The following SMC1A variants were observed in gnomAD, a reference collection of about 807,000 sequenced individuals.
SMC1A encodes the protein structural maintenance of chromosomes 1A.
Under a neutral mutation model 94.5 loss-of-function variants are expected in SMC1A, and 4 were observed. The ratio of observed to expected loss-of-function variants is 0.04; its 90% CI spans 0.02 to 0.10. The LOEUF (loss-of-function observed/expected upper bound fraction) is 0.10, where lower values mean the gene tolerates loss of function less well. Among genes scored for constraint, SMC1A ranks in the 10% least tolerant of loss-of-function variants. The probability of loss-of-function intolerance (pLI) is 1.00; values close to 1 mark genes in which losing one functional copy is unlikely to be tolerated. For missense variants in SMC1A, 304 were observed against 989.0 expected (o/e 0.31, Z 9.29); for synonymous variants, 345 against 347.7 (o/e 0.99, Z 0.09).
chrX:53,384,160 C>G (rs1339849643), intron 19 of SMC1A, among the ~76,000 whole-genome samples: 1 of 111,315 alleles, frequency 9.0e-6, no homozygotes, highest in Non-Finnish European at 1.9e-5. Flanking sequence ...GGATGGTTAC[C>G]TCATCGGGTG....
chrX:53,386,885 T>C (rs1354459230), intron 19 of SMC1A, among the ~76,000 whole-genome samples: 3 of 112,531 alleles, frequency 2.7e-5, no homozygotes, highest in Non-Finnish European at 5.6e-5. Flanking sequence ...CTTTAAAACA[T>C]AGGAACATGA....
intron 9 of SMC1A, among the ~76,000 whole-genome samples, chrX:53,407,096 CG>C (rs1556889850): frequency 8.9e-6 from 1 of 112,017 alleles, no homozygotes; most frequent in East Asian, 2.8e-4. Context: ...GTCTTCTACC[CG>C]TGAGTTCCTG....
chrX:53,382,818 A>G (rs1351084389), intron 20 of SMC1A, among the ~76,000 whole-genome samples, 158 bp from the exon 21 acceptor site: 1 of 110,566 alleles, frequency 9.0e-6, no homozygotes, highest in East Asian at 2.9e-4. Context: ...TACAATGCAG[A>G]GCAAGAAACA....
In SMC1A at chrX:53,418,827, G is replaced by T. The variant is rs1022708409; in HGVS notation, c.110-3658C>A. On this transcript the variant is annotated intron_variant, in intron 1 of 24. Coordinates refer to ENST00000322213, the MANE Select transcript of SMC1A (RefSeq NM_006306.4). ...AAAGGCCGAGGCAGGCGGATCACCT[G>T]AGGTCAGGAGTTTGAGACCAGCCTG... is the stretch of plus-strand genomic sequence containing the variant. 8.1e-5 allele frequency among the ~76,000 whole-genome samples: 9 copies of T among 111,439 alleles called. No homozygotes were observed. In the East Asian group the frequency reaches 1.7e-3, roughly 21 times the overall value.
At chrX:53,389,218 G>C (rs1194654219) in intron 19 of SMC1A, among the ~76,000 whole-genome samples, 4 of 106,808 alleles carry the variant, frequency 3.7e-5, no homozygotes, top group Admixed American at 1.0e-4. Flanking sequence ...GAAGAAATGA[G>C]TCAATTTCTA....
chrX:53,412,310 C>CA (rs1220420735), intron 5 of SMC1A, 57 bp from the exon 6 acceptor site: 1 of 1,149,719 alleles, frequency 8.7e-7, no homozygotes, highest in African/African-American at 1.8e-5. Flanking sequence ...GGAGGGTTCC[C>CA]AGGCTTTTCA....
intron 9 of SMC1A, 83 bp from the exon 10 acceptor site, chrX:53,406,039 G>A (rs1390540038): frequency 1.1e-6 from 1 of 885,633 alleles, no homozygotes; most frequent in African/African-American, 2.0e-5. Flanking sequence ...ATGGAAAGGG[G>A]GACAGACTAG....
Position 53,414,627 on chromosome X carries a change from G to A in SMC1A, c.411+131C>T, listed in dbSNP as rs937327539. ...TGGCTCAGGGGCCAGACTGAAGTTG[G>A]GAAGCTCAGTGAACAAGGTGCTACA... On this transcript the variant is annotated intron_variant, in intron 3 of 24. Coordinates refer to ENST00000322213, the MANE Select transcript of SMC1A (RefSeq NM_006306.4). 5 of 525,997 alleles carry A rather than the reference G, an allele frequency of 9.5e-6. No individual in the cohort carries two copies. In the East Asian group the frequency reaches 1.1e-4, roughly 11 times the overall value. 43.3% of individuals were successfully genotyped at this position (525,997 alleles called of 1,213,427 possible). A position where few individuals can be genotyped will look rare whatever the true frequency, so the allele number is the denominator to read the frequency against.
chrX:53,388,965 C>G (rs1438525950), intron 19 of SMC1A, among the ~76,000 whole-genome samples: 1 of 99,030 alleles, frequency 1.0e-5, no homozygotes, highest in Non-Finnish European at 2.0e-5. Context: ...CCACTGCACT[C>G]CAGCCTGGGC....
At chrX:53,413,629 A>G (rs1371153156) in intron 3 of SMC1A, among the ~76,000 whole-genome samples, 194 bp from the exon 4 acceptor site, 1 of 111,549 alleles carries the variant, frequency 9.0e-6, no homozygotes, top group Non-Finnish European at 1.9e-5. Flanking sequence ...CAAAGACAAC[A>G]AAGTGTTATG....
Position 53,412,227 on chromosome X carries a change from T to A in SMC1A, c.881A>T (p.Lys294Met). Residue 294 changes from lysine to methionine, a missense_variant, in exon 6 of 25, where the codon AAG (lysine) becomes ATG (methionine). Around this residue, in one of 11 missense-constraint regions of SMC1A, gnomAD observed 120 missense variants for 314.9 expected, o/e 0.38. Coordinates refer to ENST00000322213, the MANE Select transcript of SMC1A (RefSeq NM_006306.4). ...IKEKDSELNQ[K>M]RPQYIKAKEN... ...CTTGGCTTTGATGTACTGAGGCCGC[T>A]TCTGGTTCAATTCTGAGTCCTTCTC... is the stretch of plus-strand genomic sequence containing the variant. 1 of 1,211,613 alleles carries A rather than the reference T, an allele frequency of 8.3e-7. No individual in the cohort carries two copies. The highest frequency in any genetic ancestry group is 1.1e-6 in the Non-Finnish European group (1 of 895,354).
At chrX:53,380,338 C>A in intron 24 of SMC1A, 152 bp from the exon 25 acceptor site, 1 of 497,055 alleles carries the variant, frequency 2.0e-6, no homozygotes, top group South Asian at 2.8e-5. Flanking sequence ...AGGATATGCT[C>A]AGTCCCATGT....
At chrX:53,402,501 T>G (rs2075673831) in intron 15 of SMC1A, among the ~76,000 whole-genome samples, 1 of 108,613 alleles carries the variant, frequency 9.2e-6, no homozygotes, top group Non-Finnish European at 1.9e-5. Flanking sequence ...AAGCTACTAT[T>G]TCTTGCTCTT....
chrX:53,420,850 T>C (rs181967729), intron 1 of SMC1A, among the ~76,000 whole-genome samples: 12 of 112,117 alleles, frequency 1.1e-4, no homozygotes, highest in African/African-American at 3.2e-4. Flanking sequence ...TCAAGGAATG[T>C]CTGCTTTAGG....
In SMC1A at chrX:53,382,563, A is replaced by G. The variant is rs1556886025; in HGVS notation, c.3228T>C (p.Ser1076=). The G allele has an allele frequency of 4.1e-6, 5 of 1,211,552 alleles. No individual in the cohort carries two copies. The highest frequency in any genetic ancestry group is 5.6e-6 in the Non-Finnish European group (5 of 895,297). ...RFDRFNACFE[S]VATNIDEIYK... ...AGATCTCATCAATGTTGGTAGCCAC[A>G]GATTCAAAACAAGCATTGAAGCGGT... The change falls in exon 21 of 25, where the codon TCT becomes TCC. Residue 1076 remains serine (S), a synonymous_variant. Coordinates refer to ENST00000322213, the MANE Select transcript of SMC1A (RefSeq NM_006306.4).
chrX:53,390,855 G>A (rs181639868), intron 19 of SMC1A, among the ~76,000 whole-genome samples: 1 of 104,508 alleles, frequency 9.6e-6, no homozygotes, highest in Admixed American at 1.0e-4. Context: ...AGCTGGACGC[G>A]ATGGTGGGTG....
chrX:53,396,434 T>C, intron 17 of SMC1A, 38 bp downstream of exon 17: 1 of 1,211,351 alleles, frequency 8.3e-7, no homozygotes, highest in Non-Finnish European at 1.1e-6. Context: ...CTGCCTGCTC[T>C]ATCTACGTCC....
At chrX:53,390,973 C>CAAAA (rs782771730) in intron 19 of SMC1A, among the ~76,000 whole-genome samples, 25 of 34,312 alleles carry the variant, frequency 7.3e-4, no homozygotes, top group East Asian at 2.6e-3. Flanking sequence ...GACTCCGTCT[C>CAAAA]AAAAAAAAAA....
At chrX:53,384,566 G>C (rs1195066815) in intron 19 of SMC1A, among the ~76,000 whole-genome samples, 1 of 110,903 alleles carries the variant, frequency 9.0e-6, no homozygotes, top group Non-Finnish European at 1.9e-5. Flanking sequence ...GCCCGGCCAG[G>C]AACAGACTTC....
Sources: allele counts gnomAD v4.1 joint callset (sites outside exome capture counted in the v4.1 genomes callset), GRCh38; gene constraint gnomAD v4.1.1; regional missense constraint gnomAD v4.1.1; transcripts MANE v1.5; gene names NCBI Gene and HGNC (gene_info 2026-07-23, HGNC 2026-07-21).